STK32C: variants seen among roughly 807,000 people sequenced by gnomAD.
The protein encoded by STK32C is serine/threonine-protein kinase 32C.
A neutral mutation model predicts 56.5 loss-of-function variants in STK32C; 31 were observed. The observed-to-expected ratio is 0.55, with a 90% CI of 0.41 to 0.74. The LOEUF (loss-of-function observed/expected upper bound fraction) is 0.74, where lower values mean the gene tolerates loss of function less well. STK32C is among the 30% of genes least tolerant of loss of function. The pLI, the probability that STK32C is intolerant of heterozygous loss-of-function variation, is 0.00. For missense variants in STK32C, 544 were observed against 676.9 expected (o/e 0.80, Z 2.18); for synonymous variants, 309 against 289.4 (o/e 1.07, Z -0.69).
chr10:132,302,966 G>C (rs2065953316), intron 1 of STK32C, among the ~76,000 whole-genome samples: 1 of 152,158 alleles, frequency 6.6e-6, no homozygotes, highest in Admixed American at 6.5e-5. Flanking sequence ...CAAAGCTATA[G>C]ACTAACGAGA....
intron 10 of STK32C, among the ~76,000 whole-genome samples, chr10:132,218,758 G>C (rs1313077834): frequency 6.6e-6 from 1 of 152,182 alleles, no homozygotes; most frequent in Non-Finnish European, 1.5e-5. Flanking sequence ...AATGTTCACA[G>C]CAGCATTATT....
intron 1 of STK32C, 109 bp from the exon 2 acceptor site, chr10:132,246,064 T>A: frequency 8.9e-7 from 1 of 1,128,912 alleles, no homozygotes; most frequent in South Asian, 1.3e-5. Context: ...GGGCCCCTCA[T>A]CCTAGAAGAG....
chr10:132,289,307 C>T (rs868535507), intron 1 of STK32C, among the ~76,000 whole-genome samples: 1 of 152,122 alleles, frequency 6.6e-6, no homozygotes, highest in Non-Finnish European at 1.5e-5. Flanking sequence ...TTAGGATAGA[C>T]AACGATTTCT....
intron 2 of STK32C, among the ~76,000 whole-genome samples, chr10:132,230,679 CG>C (rs377544275): frequency 0.22 from 10,856 of 49,990 alleles, 1,364 homozygotes; most frequent in South Asian, 0.31. Flanking sequence ...GGGAAGCTGG[CG>C]GGGGGGGGGG....
Position 132,270,730 on chromosome 10 carries a change from C to A in STK32C, c.263-24775G>T, listed in dbSNP as rs566808142. Among the ~76,000 whole-genome samples the A allele has an allele frequency of 3.3e-5, 5 of 152,328 alleles. No individual in the cohort carries two copies. In the East Asian group the frequency reaches 9.6e-4, roughly 29 times the overall value. ...TCTGCGTCTGTAACCAGCAGAGAAC[C>A]CACAGGCAGCCCAAAGAGAACCACA... On this transcript the variant is annotated intron_variant, in intron 1 of 11. Coordinates refer to ENST00000298630, the MANE Select transcript of STK32C (RefSeq NM_173575.4).
At chr10:132,326,624 A>C (rs1247143586) in intron 1 of STK32C, among the ~76,000 whole-genome samples, 1 of 152,210 alleles carries the variant, frequency 6.6e-6, no homozygotes, top group Non-Finnish European at 1.5e-5. Context: ...CGCCCAGCCA[A>C]GATCTCTATT....
intron 1 of STK32C, among the ~76,000 whole-genome samples, chr10:132,292,871 C>T (rs1219591027): frequency 6.6e-6 from 1 of 152,084 alleles, no homozygotes; most frequent in Admixed American, 6.5e-5. Flanking sequence ...AGCCCCGCGA[C>T]GACCCGCTGC....
intron 1 of STK32C, among the ~76,000 whole-genome samples, chr10:132,259,326 T>C (rs2064229806): frequency 6.6e-6 from 1 of 152,224 alleles, no homozygotes; most frequent in African/African-American, 2.4e-5. Flanking sequence ...TTTGGCTCTA[T>C]GTCCCCACCC....
upstream of STK32C, among the ~76,000 whole-genome samples, chr10:132,308,706 C>T (rs541584786): frequency 6.6e-6 from 1 of 152,200 alleles, no homozygotes; most frequent in Non-Finnish European, 1.5e-5. Flanking sequence ...CGGCCTGAGA[C>T]CGCGTGCCCG....
At chr10:132,243,562 A>C (rs980931828) in intron 2 of STK32C, among the ~76,000 whole-genome samples, 4 of 152,210 alleles carry the variant, frequency 2.6e-5, no homozygotes, top group Non-Finnish European at 5.9e-5. Flanking sequence ...TTTCAGCCGG[A>C]CAGAACCGGG....
intron 2 of STK32C, among the ~76,000 whole-genome samples, chr10:132,235,825 G>A (rs2063268285): frequency 6.6e-6 from 1 of 152,218 alleles, no homozygotes; most frequent in South Asian, 2.1e-4. Context: ...CTGGCGCAGT[G>A]TGATGGGATC....
intron 1 of STK32C, among the ~76,000 whole-genome samples, chr10:132,247,773 G>A (rs2063742302): frequency 6.6e-6 from 1 of 152,126 alleles, no homozygotes; most frequent in Non-Finnish European, 1.5e-5. Flanking sequence ...TCGCAGAGGT[G>A]GGGAGAGCGG....
upstream of STK32C, among the ~76,000 whole-genome samples, chr10:132,310,866 G>A (rs76114054): frequency 4.5e-3 from 679 of 152,292 alleles, 36 homozygotes; most frequent in East Asian, 0.11. This position sits in a 1 kb window ranked among gnomAD's most constrained non-coding sequence, Gnocchi z 4.6. Context: ...TGCTGAGGCC[G>A]GAGCATGAAC....
intron 1 of STK32C, among the ~76,000 whole-genome samples, chr10:132,331,094 G>A (rs1286203178): frequency 1.3e-5 from 2 of 150,944 alleles, no homozygotes; most frequent in African/African-American, 4.9e-5. Flanking sequence ...CCAGCTACTG[G>A]GGAGGCTGAG....
At chr10:132,216,467 C>CAA (rs35942990) in intron 10 of STK32C, among the ~76,000 whole-genome samples, 448 of 121,296 alleles carry the variant, frequency 3.7e-3, no homozygotes, top group East Asian at 7.4e-3. Context: ...AAGACTGTCT[C>CAA]AAAAAAAAAA....
At chr10:132,212,810 T>A (rs989798211) in intron 10 of STK32C, among the ~76,000 whole-genome samples, 3 of 152,226 alleles carry the variant, frequency 2.0e-5, no homozygotes, top group Non-Finnish European at 4.4e-5. Context: ...GCTGAACTAA[T>A]GAAAATCAAT....
At chr10:132,292,963 T>C (rs1440200933) in intron 1 of STK32C, among the ~76,000 whole-genome samples, 1 of 150,570 alleles carries the variant, frequency 6.6e-6, no homozygotes, top group Non-Finnish European at 1.5e-5. Flanking sequence ...CCTGCTCCAG[T>C]GCTGCAAGTC....
intron 1 of STK32C, among the ~76,000 whole-genome samples, chr10:132,328,415 C>T (rs572953544): frequency 1.2e-4 from 18 of 152,208 alleles, no homozygotes; most frequent in African/African-American, 4.3e-4. Flanking sequence ...TTGGGTTTTA[C>T]AATAGTGATG....
chr10:132,326,670 A>G (rs954556202), intron 1 of STK32C, among the ~76,000 whole-genome samples: 2 of 152,156 alleles, frequency 1.3e-5, no homozygotes, highest in East Asian at 3.9e-4. Flanking sequence ...CTAACCCCAA[A>G]AGGAGAGGAG....
Sources: gnomAD v4.1 joint callset for allele counts (sites outside exome capture counted in the v4.1 genomes callset) on GRCh38, gnomAD v4.1.1 for gene constraint, Gnocchi (gnomAD v3.1) non-coding constraint, MANE v1.5 for transcripts, NCBI Gene and HGNC (gene_info 2026-07-23, HGNC 2026-07-21) for gene names.